CRACDL: variants seen among roughly 807,000 people sequenced by gnomAD.
The protein encoded by CRACDL is CRACD-like protein.
Under a neutral mutation model 70.6 loss-of-function variants are expected in CRACDL, and 26 were observed. That is an observed-to-expected ratio of 0.37 (90% CI 0.27 to 0.51). The LOEUF (loss-of-function observed/expected upper bound fraction) is 0.51, where lower values mean the gene tolerates loss of function less well. Ranked by LOEUF, CRACDL falls within the 20% of genes least tolerant of loss-of-function variation. The pLI, the probability that CRACDL is intolerant of heterozygous loss-of-function variation, is 0.94. For synonymous variants in CRACDL, 618 were observed against 615.2 expected, an observed-to-expected ratio of 1.00 and a Z score of -0.07; for missense variants, 1,283 against 1,376.9, an observed-to-expected ratio of 0.93 and a Z score of 1.08.
chr2:98,794,510 G>A lies in CRACDL; in HGVS notation c.*22C>T. On this transcript the variant is annotated 3_prime_UTR_variant, in exon 10 of 10. Coordinates refer to ENST00000397899, the MANE Select transcript of CRACDL (RefSeq NM_207362.3). ...AGTGGCTTGTCAGGGTAGTGGACAT[G>A]CTTTATCAGCACACTGCCCACCTAT... The A allele has an allele frequency of 6.2e-7, 1 of 1,610,478 alleles. No individual in the cohort carries two copies. The highest frequency in any genetic ancestry group is 8.5e-7 in the Non-Finnish European group (1 of 1,177,144).
In CRACDL at chr2:98,872,448, G is replaced by A. The variant is rs1311278467; in HGVS notation, c.-10-25638C>T. Among the ~76,000 whole-genome samples, 3 of 152,276 alleles carry A rather than the reference G, an allele frequency of 2.0e-5. No individual in the cohort carries two copies. The East Asian group carries it at 5.8e-4, about 29-fold the overall frequency. ...GATAAAGATGGAAACAATAGACAATGGGGACTTCAAAAGGGGGAGGGTGGA... is the reference window on the plus strand; with the variant it reads ...GATAAAGATGGAAACAATAGACAATAGGGACTTCAAAAGGGGGAGGGTGGA... On this transcript the variant is annotated intron_variant, in intron 1 of 9. Transcript: ENST00000397899.
At chr2:98,861,562 A>C (rs998697293) in intron 1 of CRACDL, among the ~76,000 whole-genome samples, 3 of 152,196 alleles carry the variant, frequency 2.0e-5, no homozygotes, top group Non-Finnish European at 4.4e-5. Flanking sequence ...TCAGCCCAGC[A>C]ATTACATTCC....
At chr2:98,880,006 T>C (rs1428345902) in intron 1 of CRACDL, among the ~76,000 whole-genome samples, 1 of 152,256 alleles carries the variant, frequency 6.6e-6, no homozygotes, top group Non-Finnish European at 1.5e-5. Flanking sequence ...TCAGTTAGAC[T>C]GTAAAGTGCG....
chr2:98,935,672 T>C (rs1234564721), intron 1 of CRACDL, among the ~76,000 whole-genome samples: 1 of 152,118 alleles, frequency 6.6e-6, no homozygotes. Flanking sequence ...TGCCTCACAG[T>C]GGAAAGTTGG....
At chr2:98,824,690 A>G (rs1217622672) in intron 6 of CRACDL, among the ~76,000 whole-genome samples, 4 of 152,140 alleles carry the variant, frequency 2.6e-5, no homozygotes, top group African/African-American at 4.8e-5. Context: ...GTGACAGGGT[A>G]TGTTTGCAAT....
intron 1 of CRACDL, among the ~76,000 whole-genome samples, chr2:98,930,408 A>C (rs1573215139): frequency 3.1e-5 from 1 of 32,290 alleles, no homozygotes; most frequent in Non-Finnish European, 5.5e-5. Context: ...CCCCGTCCCC[A>C]CCCTCTGTAC....
At chr2:98,925,140 G>GA (rs1708883469) in intron 1 of CRACDL, among the ~76,000 whole-genome samples, 1 of 152,204 alleles carries the variant, frequency 6.6e-6, no homozygotes, top group South Asian at 2.1e-4. Context: ...AGGAGGGAAG[G>GA]AAGGGGCTCT....
intron 7 of CRACDL, among the ~76,000 whole-genome samples, chr2:98,805,843 G>C (rs1168972003): frequency 6.6e-6 from 1 of 152,216 alleles, no homozygotes; most frequent in Non-Finnish European, 1.5e-5. Flanking sequence ...TCTGTGGTTT[G>C]AATTTCCCAA....
intron 1 of CRACDL, among the ~76,000 whole-genome samples, chr2:98,895,770 T>C (rs1193537818): frequency 3.9e-5 from 6 of 152,174 alleles, no homozygotes; most frequent in Non-Finnish European, 7.3e-5. Context: ...TGAATGTTCA[T>C]GTCCCCTCAA....
At chr2:98,803,031 G>C (rs560513424) in intron 7 of CRACDL, among the ~76,000 whole-genome samples, 3 of 140,296 alleles carry the variant, frequency 2.1e-5, no homozygotes, top group Non-Finnish European at 4.5e-5. Context: ...ATGGAGTCTC[G>C]CTCTGTTGCC....
rs1705872371 is a variant in CRACDL, at chr2:98,838,111, C to T, written c.239+8G>A. ...CTCCTGGCCCGAGGGATGTAAAATG[C>T]AACTTACTCCAGCTCATCCTCGGAG... is the stretch of plus-strand genomic sequence containing the variant. On this transcript the variant is annotated splice_region_variant and intron_variant, in intron 3 of 9. Coordinates refer to ENST00000397899, the MANE Select transcript of CRACDL (RefSeq NM_207362.3). 1.3e-6 allele frequency: 2 copies of T among 1,590,416 alleles called. No individual in the cohort carries two copies. The highest frequency in any genetic ancestry group is 1.7e-6 in the Non-Finnish European group (2 of 1,170,074).
intron 5 of CRACDL, among the ~76,000 whole-genome samples, chr2:98,831,106 C>T (rs1448296538): frequency 1.3e-5 from 2 of 152,228 alleles, no homozygotes; most frequent in East Asian, 3.8e-4. Context: ...CCCCATCCTC[C>T]TCATCCTTTC....
chr2:98,905,246 T>C (rs1356157307), intron 1 of CRACDL, among the ~76,000 whole-genome samples: 4 of 97,360 alleles, frequency 4.1e-5, no homozygotes, highest in Non-Finnish European at 7.6e-5. Context: ...CCAGACTCTG[T>C]CTCAAAAAAA....
intron 2 of CRACDL, among the ~76,000 whole-genome samples, chr2:98,842,868 TTGTGTG>T (rs67398751): frequency 0.044 from 6,324 of 145,038 alleles, 194 homozygotes; most frequent in South Asian, 0.14. Context: ...TTGCTATAGT[TTGTGTG>T]TGTGTGTGTG....
At chr2:98,831,592 A>T (rs1003546258) in intron 5 of CRACDL, among the ~76,000 whole-genome samples, 1 of 152,242 alleles carries the variant, frequency 6.6e-6, no homozygotes, top group Non-Finnish European at 1.5e-5. Flanking sequence ...GCTTGTCTAC[A>T]TGGGAAGGAT....
At chr2:98,890,276 A>G (rs1277306944) in intron 1 of CRACDL, among the ~76,000 whole-genome samples, 2 of 152,200 alleles carry the variant, frequency 1.3e-5, no homozygotes, top group Non-Finnish European at 2.9e-5. Context: ...CCAAGAAGAA[A>G]GGAGAGAAGG....
At chr2:98,857,563 A>G (rs1417201307) in intron 1 of CRACDL, among the ~76,000 whole-genome samples, 1 of 152,186 alleles carries the variant, frequency 6.6e-6, no homozygotes, top group Non-Finnish European at 1.5e-5. Context: ...AGAAGAAAAT[A>G]GAATTAAAAA....
chr2:98,885,225 A>G (rs1361235518), intron 1 of CRACDL, among the ~76,000 whole-genome samples: 1 of 152,178 alleles, frequency 6.6e-6, no homozygotes, highest in African/African-American at 2.4e-5. Flanking sequence ...CTCAGCAACT[A>G]TGAAGGGTGT....
intron 1 of CRACDL, among the ~76,000 whole-genome samples, chr2:98,935,147 G>T (rs1372543374): frequency 6.6e-6 from 1 of 152,140 alleles, no homozygotes; most frequent in African/African-American, 2.4e-5. Flanking sequence ...TAACCTAGTA[G>T]GATACCTTAA....
Sources: gnomAD v4.1 joint callset for allele counts (sites outside exome capture counted in the v4.1 genomes callset) on GRCh38, gnomAD v4.1.1 for gene constraint, MANE v1.5 for transcripts, NCBI Gene and HGNC (gene_info 2026-07-23, HGNC 2026-07-21) for gene names.